EFR3B: variants seen among roughly 807,000 people sequenced by gnomAD.
The protein encoded by EFR3B is protein EFR3 homolog B.
A neutral mutation model predicts 104.7 loss-of-function variants in EFR3B; 64 were observed. The observed-to-expected ratio is 0.61, with a 90% CI of 0.50 to 0.75. The LOEUF (loss-of-function observed/expected upper bound fraction) is 0.75, where lower values mean the gene tolerates loss of function less well. Ranked by LOEUF, EFR3B falls within the 30% of genes least tolerant of loss-of-function variation. The probability of loss-of-function intolerance (pLI) is 0.00; values close to 1 mark genes in which losing one functional copy is unlikely to be tolerated. For synonymous variants in EFR3B, 385 were observed against 417.9 expected (o/e 0.92, Z 0.96); for missense variants, 750 against 1,078.5 (o/e 0.70, Z 4.27).
intron 1 of EFR3B, among the ~76,000 whole-genome samples, chr2:25,066,125 C>T (rs1193555245): frequency 5.9e-5 from 9 of 152,070 alleles, no homozygotes; most frequent in Admixed American, 3.3e-4. Flanking sequence ...CACCTCCCCA[C>T]GTCACACACT....
chr2:25,095,803 C>T (rs538322298), intron 3 of EFR3B, among the ~76,000 whole-genome samples: 108 of 152,226 alleles, frequency 7.1e-4, no homozygotes, highest in African/African-American at 2.5e-3. Flanking sequence ...ATTTTTTCTA[C>T]GTTTTTCCTA....
At chr2:25,107,797 A>C (rs1464653632) in intron 4 of EFR3B, among the ~76,000 whole-genome samples, 1 of 146,572 alleles carries the variant, frequency 6.8e-6, no homozygotes, top group Non-Finnish European at 1.5e-5. Flanking sequence ...CAACTTTAAA[A>C]ATTTAAGTGA....
intron 4 of EFR3B, among the ~76,000 whole-genome samples, chr2:25,113,667 CAAAA>C (rs199750318): frequency 1.0e-4 from 10 of 100,432 alleles, no homozygotes; most frequent in East Asian, 4.4e-4. Context: ...GACTCTGTCT[CAAAA>C]AAAAAAAAAA....
chr2:25,149,379 G>A (rs1242513482), intron 19 of EFR3B, among the ~76,000 whole-genome samples: 40 of 152,264 alleles, frequency 2.6e-4, no homozygotes, highest in Non-Finnish European at 7.4e-5. Context: ...AAATTGCAGT[G>A]TTTTCCTCCC....
chr2:25,077,758 G>A lies in EFR3B; in HGVS notation c.8-13567G>A, dbSNP rs1237166397. Among the ~76,000 whole-genome samples the A allele has an allele frequency of 3.3e-5, 5 of 152,274 alleles. No homozygotes were observed. In the East Asian group the frequency reaches 5.8e-4, roughly 18 times the overall value. On this transcript the variant is annotated intron_variant, in intron 1 of 22. Coordinates refer to ENST00000403714, the MANE Select transcript of EFR3B (RefSeq NM_014971.2). The stretch of plus-strand genomic sequence containing the variant: ...ATTCTAATAGTTATCTTTGAATTAC[G>A]TGATTCTAAGTGATGTTCATTTTCT...
intron 1 of EFR3B, among the ~76,000 whole-genome samples, chr2:25,075,700 G>A (rs1357885044): frequency 6.6e-6 from 1 of 152,122 alleles, no homozygotes; most frequent in Non-Finnish European, 1.5e-5. Context: ...ATTTTTACAA[G>A]TCAACATATT....
intron 4 of EFR3B, among the ~76,000 whole-genome samples, chr2:25,115,491 G>C (rs1669832862): frequency 1.3e-5 from 2 of 152,194 alleles, no homozygotes; most frequent in South Asian, 2.1e-4. Flanking sequence ...TCACTAGTTT[G>C]CTGAAAATCG....
chr2:25,057,730 CGA>C (rs1189960152), intron 1 of EFR3B, among the ~76,000 whole-genome samples: 1 of 148,502 alleles, frequency 6.7e-6, no homozygotes, highest in African/African-American at 2.5e-5. Context: ...TGTAGTGAGC[CGA>C]GATTGCACCA....
chr2:25,154,220 G>A lies in EFR3B; in HGVS notation c.2349-15G>A. 1 of 1,551,102 alleles carries A rather than the reference G, an allele frequency of 6.4e-7. No individual in the cohort carries two copies. On this transcript the variant is annotated splice_polypyrimidine_tract_variant and intron_variant, in intron 22 of 22. Transcript: ENST00000403714. The surrounding 1 kb of genome is among the most constrained non-coding windows in gnomAD (Gnocchi z 4.1). ...TCTTTTCATGCCTTTCTCCCCATGT[G>A]TTCCTGCCCCCTAGGCCCCCACCAA...
intron 4 of EFR3B, among the ~76,000 whole-genome samples, chr2:25,121,145 A>G (rs1394593568): frequency 5.9e-5 from 9 of 151,978 alleles, no homozygotes; most frequent in Admixed American, 5.9e-4. Flanking sequence ...CAAATGATCC[A>G]CCTGCCTCGG....
chr2:25,143,644 G>A (rs1380620080), intron 17 of EFR3B, 91 bp from the exon 18 acceptor site: 1 of 1,477,556 alleles, frequency 6.8e-7, no homozygotes, highest in Non-Finnish European at 9.1e-7. Flanking sequence ...TGGGCGACAA[G>A]AGCAAAACCC....
chr2:25,082,749 G>T (rs1668844306), intron 1 of EFR3B, among the ~76,000 whole-genome samples: 1 of 152,202 alleles, frequency 6.6e-6, no homozygotes, highest in African/African-American at 2.4e-5. Context: ...GTGGACAAAG[G>T]TCTCACTCTT....
chr2:25,101,546 G>A (rs1382306025), intron 3 of EFR3B, among the ~76,000 whole-genome samples: 4 of 151,984 alleles, frequency 2.6e-5, no homozygotes, highest in Non-Finnish European at 2.9e-5. Context: ...AAGGGGTCTC[G>A]CCATGTTGCC....
At chr2:25,103,919 G>A in intron 4 of EFR3B, 132 bp downstream of exon 4, 2 of 1,084,622 alleles carry the variant, frequency 1.8e-6, no homozygotes, top group Non-Finnish European at 1.3e-6. Flanking sequence ...GTGACACACT[G>A]CTTGTTTTAG....
At chr2:25,101,543 C>G (rs1026377158) in intron 3 of EFR3B, among the ~76,000 whole-genome samples, 5 of 152,094 alleles carry the variant, frequency 3.3e-5, no homozygotes, top group African/African-American at 1.2e-4. Flanking sequence ...AAGAAGGGGT[C>G]TCGCCATGTT....
At chr2:25,044,837 A>C (rs1667674127) in intron 1 of EFR3B, among the ~76,000 whole-genome samples, 1 of 151,862 alleles carries the variant, frequency 6.6e-6, no homozygotes, top group Non-Finnish European at 1.5e-5. Flanking sequence ...TCTGCCCTCC[A>C]CAGCTCAGCC....
chr2:25,104,629 C>A (rs1669515080), intron 4 of EFR3B, among the ~76,000 whole-genome samples: 3 of 152,182 alleles, frequency 2.0e-5, no homozygotes. Flanking sequence ...GAAAGCTGTC[C>A]AGGTTATGCC....
chr2:25,125,684 C>T (rs986490439), intron 5 of EFR3B, among the ~76,000 whole-genome samples: 28 of 152,346 alleles, frequency 1.8e-4, no homozygotes, highest in Admixed American at 8.5e-4. Flanking sequence ...CACGGTGGCT[C>T]ACGCCTGTAA....
intron 3 of EFR3B, among the ~76,000 whole-genome samples, chr2:25,094,293 A>AAAAAAAT (rs1299186520): frequency 6.6e-6 from 1 of 151,256 alleles, no homozygotes; most frequent in Non-Finnish European, 1.5e-5. Context: ...AAAAAAAAAA[A>AAAAAAAT]AAAAAAAAGA....
Sources: gnomAD v4.1 joint callset for allele counts (sites outside exome capture counted in the v4.1 genomes callset) on GRCh38, gnomAD v4.1.1 for gene constraint, Gnocchi (gnomAD v3.1) non-coding constraint, MANE v1.5 for transcripts, NCBI Gene and HGNC (gene_info 2026-07-23, HGNC 2026-07-21) for gene names.